Variants in MAGI2 observed in about 807,000 individuals in gnomAD.
MAGI2 encodes the protein membrane associated guanylate kinase, WW and PDZ domain containing 2, also known as membrane-associated guanylate kinase, WW and PDZ domain-containing protein 2.
In MAGI2, 35 loss-of-function variants were observed where a neutral mutation model predicts 133.3. The observed-to-expected ratio is 0.26, with a 90% CI of 0.20 to 0.35. MAGI2 has a LOEUF of 0.35. Among genes scored for constraint, MAGI2 ranks in the 10% least tolerant of loss-of-function variants. The pLI, the probability that MAGI2 is intolerant of heterozygous loss-of-function variation, is 1.00. For missense variants in MAGI2, 1,636 were observed against 1,863.4 expected, an observed-to-expected ratio of 0.88 and a Z score of 2.25; for synonymous variants, 729 against 710.6, an observed-to-expected ratio of 1.03 and a Z score of -0.41.
intron 2 of MAGI2, among the ~76,000 whole-genome samples, chr7:78,841,575 C>T (rs1792146072): frequency 6.6e-6 from 1 of 151,984 alleles, no homozygotes; most frequent in African/African-American, 2.4e-5. Flanking sequence ...CAAATCTACA[C>T]ATCCAATTCA....
chr7:78,630,869 T>C (rs1808915759), intron 2 of MAGI2, among the ~76,000 whole-genome samples: 1 of 152,138 alleles, frequency 6.6e-6, no homozygotes, highest in Non-Finnish European at 1.5e-5. Flanking sequence ...ATTGAAGAAA[T>C]CTTTCCTGGA....
At chr7:79,295,398 T>C (rs1258014133) in intron 1 of MAGI2, among the ~76,000 whole-genome samples, 2 of 152,178 alleles carry the variant, frequency 1.3e-5, no homozygotes, top group African/African-American at 4.8e-5. Flanking sequence ...ATCAGTGCTA[T>C]CACCTGCAGT....
chr7:79,291,872 C>T (rs1003208994), intron 1 of MAGI2, among the ~76,000 whole-genome samples: 40 of 152,056 alleles, frequency 2.6e-4, no homozygotes, highest in African/African-American at 8.7e-4. Context: ...AACTGTCATT[C>T]ATTTTCTTGA....
intron 1 of MAGI2, among the ~76,000 whole-genome samples, chr7:79,402,877 T>C (rs1400066147): frequency 2.0e-5 from 3 of 152,200 alleles, no homozygotes; most frequent in African/African-American, 7.2e-5. Flanking sequence ...ATAGAGTGAA[T>C]AAAACAAGAA....
intron 2 of MAGI2, among the ~76,000 whole-genome samples, chr7:78,893,871 T>TACA (rs570959718): frequency 1.3e-5 from 2 of 152,198 alleles, no homozygotes; most frequent in South Asian, 4.1e-4. Context: ...AAACTTAAAG[T>TACA]ATAATAATAA....
intron 1 of MAGI2, among the ~76,000 whole-genome samples, chr7:79,324,642 A>T (rs1044646262): frequency 2.5e-4 from 9 of 35,544 alleles, no homozygotes; most frequent in African/African-American, 1.3e-3. Context: ...TATATATATA[A>T]AATATATATA....
chr7:78,343,813 T>C lies in MAGI2; in HGVS notation c.1373A>G (p.Asp458Gly). Residue 458 changes from aspartate (D) to glycine (G), a missense_variant, in exon 9 of 22, where the codon GAT becomes GGT. Transcript: ENST00000354212. ...EFLQVKSVIP[D>G]GPAAQDGKME... ...TTTTCCATCCTGTGCTGCAGGCCCA[T>C]CCGGAATCACACTTTTCACCTGCAG... 1 of 1,608,366 alleles carries C rather than the reference T, an allele frequency of 6.2e-7. No individual in the cohort carries two copies. Among genetic ancestry groups the C allele is most frequent in the South Asian group, 1.1e-5 (1 of 89,950 alleles).
intron 13 of MAGI2, among the ~76,000 whole-genome samples, chr7:78,182,736 C>T (rs1302772864): frequency 6.6e-6 from 1 of 152,198 alleles, no homozygotes; most frequent in South Asian, 2.1e-4. Flanking sequence ...CGTTGATGCA[C>T]TGTTTATGAC....
intron 10 of MAGI2, among the ~76,000 whole-genome samples, chr7:78,234,316 C>T (rs886347204): frequency 2.0e-5 from 3 of 152,072 alleles, no homozygotes; most frequent in Non-Finnish European, 2.9e-5. Context: ...AACTGAAATG[C>T]ATTGTAATGC....
At chr7:78,284,825 C>T (rs1008299874) in intron 9 of MAGI2, among the ~76,000 whole-genome samples, 3 of 152,038 alleles carry the variant, frequency 2.0e-5, no homozygotes, top group Non-Finnish European at 4.4e-5. Context: ...TTCCTCCCTC[C>T]CCCAAAACAC....
chr7:78,510,407 G>A (rs1250910230), intron 4 of MAGI2, among the ~76,000 whole-genome samples: 1 of 152,056 alleles, frequency 6.6e-6, no homozygotes, highest in Non-Finnish European at 1.5e-5. Context: ...AATATAGTAG[G>A]TGTTCAGTAA....
At chr7:78,205,468 T>G (rs1405622035) in intron 10 of MAGI2, among the ~76,000 whole-genome samples, 1 of 152,192 alleles carries the variant, frequency 6.6e-6, no homozygotes, top group East Asian at 1.9e-4. Flanking sequence ...GAAATATGGT[T>G]GCCAGATAAA....
intron 2 of MAGI2, among the ~76,000 whole-genome samples, chr7:78,697,090 C>T (rs1308046171): frequency 6.6e-6 from 1 of 152,190 alleles, no homozygotes; most frequent in Non-Finnish European, 1.5e-5. Context: ...CCAATTGGCT[C>T]TCCACTCTCA....
chr7:79,373,343 G>C (rs1843175133), intron 1 of MAGI2, among the ~76,000 whole-genome samples: 1 of 151,856 alleles, frequency 6.6e-6, no homozygotes, highest in African/African-American at 2.4e-5. Flanking sequence ...AAATCAAATG[G>C]ATAAGGTGAA....
chr7:78,715,982 T>C (rs13242288), intron 2 of MAGI2, among the ~76,000 whole-genome samples: 57,882 of 151,976 alleles, frequency 0.38, 11,244 homozygotes, highest in Middle Eastern at 0.44. Flanking sequence ...GATTCAACAC[T>C]CATACCTAAA....
intron 1 of MAGI2, among the ~76,000 whole-genome samples, chr7:79,441,606 A>C (rs1848500977): frequency 6.6e-6 from 1 of 152,058 alleles, no homozygotes; most frequent in Non-Finnish European, 1.5e-5. Flanking sequence ...ACATTCATAT[A>C]TAGTATGTAC....
At position 79,277,400 on chromosome 7, in the gene MAGI2, T is replaced by A. The variant is rs534478054; in HGVS notation, c.301+175620A>T. 1.2e-4 allele frequency among the ~76,000 whole-genome samples: 18 copies of A among 152,286 alleles called. No homozygotes were observed. The South Asian group carries it at 2.9e-3, about 25-fold the overall frequency. On this transcript the variant is annotated intron_variant, in intron 1 of 21. Coordinates refer to ENST00000354212, the MANE Select transcript of MAGI2 (RefSeq NM_012301.4). Reference sequence around the variant, plus strand: ...TATAGTACAATGTAAACATAACTTTTATATACACCGGGAAACAAAACAAAC... The same window carrying A: ...TATAGTACAATGTAAACATAACTTTAATATACACCGGGAAACAAAACAAAC...
chr7:78,624,443 A>G (rs755023533), intron 3 of MAGI2, among the ~76,000 whole-genome samples: 1 of 152,160 alleles, frequency 6.6e-6, no homozygotes, highest in Non-Finnish European at 1.5e-5. Context: ...TGGTACATAT[A>G]TACCATGGAA....
At chr7:78,521,337 C>G in intron 4 of MAGI2, 93 bp downstream of exon 4, 1 of 787,338 alleles carries the variant, frequency 1.3e-6, no homozygotes, top group Non-Finnish European at 2.1e-6. Flanking sequence ...TACTATGTAT[C>G]TGTATATATA....
Sources: allele counts gnomAD v4.1 joint callset (sites outside exome capture counted in the v4.1 genomes callset), GRCh38; gene constraint gnomAD v4.1.1; transcripts MANE v1.5; gene names NCBI Gene and HGNC (gene_info 2026-07-23, HGNC 2026-07-21).